HMSD: variants seen among roughly 807,000 people sequenced by gnomAD.
The protein encoded by HMSD is serpin-like protein HMSD.
Under a neutral mutation model 10.0 loss-of-function variants are expected in HMSD, and 13 were observed. The ratio of observed to expected loss-of-function variants is 1.31; its 90% confidence interval spans 0.85 to 2.08. The LOEUF (loss-of-function observed/expected upper bound fraction) is 2.08, where lower values mean the gene tolerates loss of function less well. Ranked by LOEUF, HMSD falls within the 30% of genes most tolerant of loss-of-function variation. The probability of loss-of-function intolerance (pLI) is 0.00; values close to 1 mark genes in which losing one functional copy is unlikely to be tolerated. For missense variants in HMSD, 169 were observed against 166.3 expected, an observed-to-expected ratio of 1.02 and a Z score of -0.09; for synonymous variants, 51 against 54.2, an observed-to-expected ratio of 0.94 and a Z score of 0.26.
intron 3 of HMSD, chr18:63,968,533 A>T (rs1298230659): frequency 6.6e-6 from 1 of 152,234 alleles, no homozygotes; most frequent in African/African-American, 2.4e-5. Context: ...CCTACATGGG[A>T]TATCTGTGTT....
At chr18:63,967,100 G>A (rs2050412969) in intron 3 of HMSD, among the ~76,000 whole-genome samples, 1 of 151,952 alleles carries the variant, frequency 6.6e-6, no homozygotes, top group Admixed American at 6.6e-5. Flanking sequence ...TATATGGTCA[G>A]TCACTGAAGG....
downstream of HMSD, among the ~76,000 whole-genome samples, chr18:63,963,133 CCTTTCTTTCTTCTCTCTCTCTTCTTTCT>C (rs1358714949): frequency 0.01 from 1,104 of 108,432 alleles, 15 homozygotes; most frequent in Non-Finnish European, 0.012. Flanking sequence ...TTCTTTCTTT[CCTTTCTTTCTTCTCTCTCTCTTCTTTCT>C]TTCTCTCTCT....
At chr18:63,966,356 C>T (rs2050409720), downstream of HMSD, 1 of 152,114 alleles carries the variant, frequency 6.6e-6, no homozygotes, top group Non-Finnish European at 1.5e-5. Context: ...ACTCAAAGGA[C>T]TAACCAAATA....
downstream of HMSD, chr18:63,961,858 G>A (rs1301618530): frequency 6.6e-6 from 1 of 152,246 alleles, no homozygotes; most frequent in East Asian, 1.9e-4. Context: ...GTCATGCCAT[G>A]TGTCTAGTTA....
chr18:63,960,365 C>A lies in HMSD; in HGVS notation c.*10C>A, dbSNP rs775624946. 9 of 1,565,410 alleles carry A rather than the reference C, an allele frequency of 5.7e-6. No homozygotes were observed. The highest frequency in any genetic ancestry group is 1.2e-5 in the South Asian group (1 of 84,188). On this transcript the variant is annotated 3_prime_UTR_variant, in exon 4 of 4. Coordinates refer to ENST00000408945, the MANE Select transcript of HMSD (RefSeq NM_001123366.2). The stretch of plus-strand genomic sequence containing the variant: ...AAACTGTCAAATATAAAAAGGAGTC[C>A]TTTTTTCTCTAAACAACTATGCAAA...
chr18:63,954,752 G>T (rs1466996440), intron 3 of HMSD, among the ~76,000 whole-genome samples, 195 bp downstream of exon 3: 1 of 152,200 alleles, frequency 6.6e-6, no homozygotes, highest in South Asian at 2.1e-4. Context: ...ATTTTGTGAA[G>T]CTTTAATGAG....
chr18:63,951,564 A>G (rs892355955), intron 1 of HMSD, among the ~76,000 whole-genome samples: 1 of 152,194 alleles, frequency 6.6e-6, no homozygotes, highest in Non-Finnish European at 1.5e-5. Context: ...GTGGGAGGGG[A>G]ATTTGCCATA....
At chr18:63,951,451 G>C (rs551830027) in intron 1 of HMSD, among the ~76,000 whole-genome samples, 1 of 152,308 alleles carries the variant, frequency 6.6e-6, no homozygotes, top group Admixed American at 6.5e-5. Flanking sequence ...ACCAGCAGGG[G>C]GGAAACTGTG....
At chr18:63,957,479 A>G (rs1340131933) in intron 3 of HMSD, among the ~76,000 whole-genome samples, 4 of 152,118 alleles carry the variant, frequency 2.6e-5, no homozygotes, top group Non-Finnish European at 5.9e-5. Flanking sequence ...TGTAGAGGAT[A>G]TCTCTCTTAC....
At chr18:63,962,928 CT>C, downstream of HMSD, among the ~76,000 whole-genome samples, 1 of 152,038 alleles carries the variant, frequency 6.6e-6, no homozygotes, top group Non-Finnish European at 1.5e-5. Context: ...TGACGTTGAT[CT>C]GATACTCACA....
At chr18:63,954,009 T>C (rs1023582417) in intron 2 of HMSD, among the ~76,000 whole-genome samples, 1 of 152,228 alleles carries the variant, frequency 6.6e-6, no homozygotes, top group African/African-American at 2.4e-5. Context: ...GCCCAGATTC[T>C]GAAGAAGGGG....
At chr18:63,952,239 A>G (rs1186545340) in intron 1 of HMSD, among the ~76,000 whole-genome samples, 1 of 151,808 alleles carries the variant, frequency 6.6e-6, no homozygotes, top group Non-Finnish European at 1.5e-5. Context: ...TGTATACATA[A>G]CTAACCTGCA....
At chr18:63,950,107 A>G (rs1341919069) in intron 1 of HMSD, among the ~76,000 whole-genome samples, 1 of 152,172 alleles carries the variant, frequency 6.6e-6, no homozygotes, top group South Asian at 2.1e-4. Context: ...AGAGTCCTTT[A>G]GTAAATTCAG....
At chr18:63,967,805 AC>A (rs1386713662) in intron 3 of HMSD, among the ~76,000 whole-genome samples, 2 of 152,152 alleles carry the variant, frequency 1.3e-5, no homozygotes, top group Admixed American at 6.5e-5. Context: ...CTTATCAGTT[AC>A]CTGTTGTGTC....
chr18:63,959,626 G>C (rs913842031), intron 3 of HMSD, among the ~76,000 whole-genome samples: 1 of 152,198 alleles, frequency 6.6e-6, no homozygotes, highest in Non-Finnish European at 1.5e-5. Context: ...GTTGGATGAA[G>C]TAGTCAATAG....
downstream of HMSD, among the ~76,000 whole-genome samples, chr18:63,965,862 C>G (rs1316689113): frequency 6.6e-6 from 1 of 152,116 alleles, no homozygotes; most frequent in Non-Finnish European, 1.5e-5. Context: ...TGTGCTATGT[C>G]AAAAGACATT....
rs143746335 is a variant in HMSD, at chr18:63,951,447, AG to A, written c.-102-1901del. 6.0e-3 allele frequency among the ~76,000 whole-genome samples: 907 copies of A among 152,322 alleles called. 14 individuals carry two copies. Among genetic ancestry groups the A allele is most frequent in the African/African-American group, 0.02 (843 of 41,568 alleles). On this transcript the variant is annotated intron_variant, in intron 1 of 3. Transcript: ENST00000408945. ...ACTAAATAAACCTGCACTCACCAGC[AG>A]GGGGGAAACTGTGGGAGATGAGAAA...
downstream of HMSD, among the ~76,000 whole-genome samples, chr18:63,963,045 GTTTTCTTT>G (rs1211290893): frequency 8.4e-6 from 1 of 118,428 alleles, no homozygotes; most frequent in Non-Finnish European, 1.7e-5. Context: ...TTCAGATGTA[GTTTTCTTT>G]CTTTCTTTCT....
At chr18:63,950,022 C>T (rs1051300819) in intron 1 of HMSD, among the ~76,000 whole-genome samples, 3 of 152,130 alleles carry the variant, frequency 2.0e-5, no homozygotes, top group African/African-American at 7.2e-5. Flanking sequence ...TCCCAGTAGA[C>T]AAGTTGTGAG....
Sources: gnomAD v4.1 joint callset for allele counts (sites outside exome capture counted in the v4.1 genomes callset) on GRCh38, gnomAD v4.1.1 for gene constraint, MANE v1.5 for transcripts, NCBI Gene and HGNC (gene_info 2026-07-23, HGNC 2026-07-21) for gene names.